The following P2RY8 variants were observed in gnomAD, a reference collection of about 807,000 sequenced individuals.
P2RY8 encodes the protein P2Y receptor family member 8.
Under a neutral mutation model 10.0 loss-of-function variants are expected in P2RY8, and 6 were observed. The ratio of observed to expected loss-of-function variants is 0.60; its 90% confidence interval spans 0.33 to 1.19. P2RY8 has a LOEUF of 1.19. P2RY8 is among the 50% of genes most tolerant of loss of function. The probability of loss-of-function intolerance (pLI) is 0.04; values close to 1 mark genes in which losing one functional copy is unlikely to be tolerated. For missense variants in P2RY8, 456 were observed against 542.0 expected, an observed-to-expected ratio of 0.84 and a Z score of 1.58; for synonymous variants, 276 against 252.5, an observed-to-expected ratio of 1.09 and a Z score of -0.88.
intron 1 of P2RY8, among the ~76,000 whole-genome samples, chrX:1,499,490 G>A (rs1219544560): frequency 3.3e-5 from 5 of 151,966 alleles, no homozygotes; most frequent in African/African-American, 7.3e-5. Context: ...TACGCATGAG[G>A]TAATGCTTGC....
At chrX:1,491,145 T>C (rs746344914) in intron 1 of P2RY8, among the ~76,000 whole-genome samples, 3 of 149,590 alleles carry the variant, frequency 2.0e-5, no homozygotes, top group East Asian at 4.0e-4. Context: ...GTGGAGGGAA[T>C]GAATGAATGA....
At position 1,515,953 on chromosome X, in the gene P2RY8, G is replaced by C. The variant is rs1180254345; in HGVS notation, c.-25+20968C>G. ...CTTTGGGAGGCCGAGGGGTCGGGGG[G>C]TGGTGGATCACCTGAGGTCAGGAGT... is the stretch of plus-strand genomic sequence containing the variant. On this transcript the variant is annotated intron_variant, in intron 1 of 1. Coordinates refer to ENST00000381297, the MANE Select transcript of P2RY8 (RefSeq NM_178129.5). 1.7e-3 allele frequency among the ~76,000 whole-genome samples: 205 copies of C among 117,350 alleles called. 1 individual carries two copies. Among genetic ancestry groups the C allele is most frequent in the South Asian group, 3.9e-3 (10 of 2,582 alleles). The allele number at this position is 117,350 out of a possible 152,430, so 77.0% of individuals were successfully genotyped here.
At chrX:1,473,049 GTGGA>G (rs2091814407) in intron 1 of P2RY8, among the ~76,000 whole-genome samples, 1 of 147,336 alleles carries the variant, frequency 6.8e-6, no homozygotes, top group African/African-American at 2.5e-5. Flanking sequence ...GAGTGGGTGG[GTGGA>G]TGGGTGGATG....
At chrX:1,474,260 G>A (rs2091846188) in intron 1 of P2RY8, among the ~76,000 whole-genome samples, 1 of 151,518 alleles carries the variant, frequency 6.6e-6, no homozygotes, top group Non-Finnish European at 1.5e-5. Context: ...GTGAGTGGAT[G>A]GAGGATGAAT....
chrX:1,474,302 G>T (rs1458816102), intron 1 of P2RY8, among the ~76,000 whole-genome samples: 2 of 149,952 alleles, frequency 1.3e-5, no homozygotes, highest in Admixed American at 6.7e-5. Flanking sequence ...TGGGTGGATG[G>T]ATAGATGGGT....
chrX:1,493,218 G>T (rs2092072141), intron 1 of P2RY8, among the ~76,000 whole-genome samples: 1 of 149,712 alleles, frequency 6.7e-6, no homozygotes, highest in Non-Finnish European at 1.5e-5. Flanking sequence ...AACCCGGGAG[G>T]CGGAGGTTGC....
At chrX:1,499,022 A>G (rs56700872) in intron 1 of P2RY8, among the ~76,000 whole-genome samples, 79,375 of 151,360 alleles carry the variant, frequency 0.52, 21,276 homozygotes, top group Non-Finnish European at 0.59. Context: ...TTTAGTAGAG[A>G]CAGGGTTTCA....
At chrX:1,517,065 C>T (rs1169256552) in intron 1 of P2RY8, among the ~76,000 whole-genome samples, 1 of 152,130 alleles carries the variant, frequency 6.6e-6, no homozygotes, top group East Asian at 1.9e-4. Context: ...ACAGCATCTA[C>T]AAGCCAAAGA....
intron 1 of P2RY8, among the ~76,000 whole-genome samples, chrX:1,468,319 G>C (rs28391357): frequency 6.6e-6 from 1 of 151,942 alleles, no homozygotes; most frequent in African/African-American, 2.4e-5. Flanking sequence ...AAGTCCTACG[G>C]TGGCGGCCTC....
chrX:1,465,969 ATGG>A lies in P2RY8; in HGVS notation c.587_589del (p.Thr196del). The stretch of plus-strand genomic sequence containing the variant: ...CGGGATGAGGAACAGCAGGATGAAG[ATGG>A]TGAAGAGGAACACGGCCCACATGGC... On this transcript the variant is annotated inframe_deletion, in exon 2 of 2. Transcript: ENST00000381297. 1 of 1,612,450 alleles carries A rather than the reference ATGG, an allele frequency of 6.2e-7. No individual in the cohort carries two copies. The highest frequency in any genetic ancestry group is 8.5e-7 in the Non-Finnish European group (1 of 1,179,806).
chrX:1,506,256 C>G (rs1402107385), intron 1 of P2RY8, among the ~76,000 whole-genome samples: 1 of 152,070 alleles, frequency 6.6e-6, no homozygotes, highest in African/African-American at 2.4e-5. Context: ...GCCTCCCAAA[C>G]TGCTGGGATG....
At chrX:1,481,743 G>A (rs1322927770) in intron 1 of P2RY8, among the ~76,000 whole-genome samples, 2 of 152,070 alleles carry the variant, frequency 1.3e-5, no homozygotes, top group Admixed American at 1.3e-4. Flanking sequence ...GCCTCTGAAC[G>A]AACTCTGTGT....
At chrX:1,490,896 GAT>G (rs2092039916) in intron 1 of P2RY8, among the ~76,000 whole-genome samples, 4 of 145,482 alleles carry the variant, frequency 2.7e-5, no homozygotes, top group African/African-American at 1.0e-4. Context: ...ATGATACCCA[GAT>G]ATTCCCTGCA....
chrX:1,474,313 G>T (rs2091847216), intron 1 of P2RY8, among the ~76,000 whole-genome samples: 1 of 146,202 alleles, frequency 6.8e-6, no homozygotes, highest in Non-Finnish European at 1.5e-5. Flanking sequence ...ATAGATGGGT[G>T]GCTGGATAGA....
chrX:1,468,344 G>T (rs1277973870), intron 1 of P2RY8, among the ~76,000 whole-genome samples: 1 of 152,200 alleles, frequency 6.6e-6, no homozygotes, highest in African/African-American at 2.4e-5. Context: ...GGCCACCCTC[G>T]TGTCTGTACC....
At chrX:1,514,843 C>T (rs111278483) in intron 1 of P2RY8, among the ~76,000 whole-genome samples, 73 of 3,134 alleles carry the variant, frequency 0.023, 5 homozygotes, top group East Asian at 0.17. Flanking sequence ...CCTTCCCTTT[C>T]CCTTTCCCTC....
intron 1 of P2RY8, among the ~76,000 whole-genome samples, chrX:1,475,312 T>A (rs1209386737): frequency 1.3e-5 from 2 of 151,570 alleles, no homozygotes; most frequent in African/African-American, 4.9e-5. Context: ...GGTGGATGGA[T>A]GAATAGATGA....
intron 1 of P2RY8, among the ~76,000 whole-genome samples, chrX:1,525,406 A>G (rs1203125493): frequency 2.0e-5 from 3 of 152,182 alleles, no homozygotes; most frequent in African/African-American, 4.8e-5. Flanking sequence ...ACATGCACAG[A>G]GGGAAGATTG....
rs778865338 is a variant in P2RY8 at position 1,471,093 on chromosome X, C to T, written c.-24-4511G>A. Among the ~76,000 whole-genome samples, 39 of 150,606 alleles carry T rather than the reference C, an allele frequency of 2.6e-4. 1 individual carries two copies. The highest frequency in any genetic ancestry group is 7.9e-4 in the East Asian group (4 of 5,094). On this transcript the variant is annotated intron_variant, in intron 1 of 1. Transcript: ENST00000381297. ...TGTGATCTCGGCTCTCGGCAACCTCCGCTTCCCCGGTTCAAGCAATTTTCC... is the reference window on the plus strand; with the variant it reads ...TGTGATCTCGGCTCTCGGCAACCTCTGCTTCCCCGGTTCAAGCAATTTTCC...
Sources: allele counts gnomAD v4.1 joint callset (sites outside exome capture counted in the v4.1 genomes callset), GRCh38; gene constraint gnomAD v4.1.1; transcripts MANE v1.5; gene names NCBI Gene and HGNC (gene_info 2026-07-23, HGNC 2026-07-21).